The following WWOX variants were observed in gnomAD, a reference collection of about 807,000 sequenced individuals.
WWOX encodes WW domain-containing oxidoreductase.
WWOX carries 69 observed loss-of-function variants against 46.2 expected under a neutral mutation model. The ratio of observed to expected loss-of-function variants is 1.49; its 90% CI spans 1.23 to 1.82. WWOX has a LOEUF of 1.82. WWOX is among the 40% of genes most tolerant of loss of function. The probability of loss-of-function intolerance (pLI) is 0.00; values close to 1 mark genes in which losing one functional copy is unlikely to be tolerated. For synonymous variants in WWOX, 359 were observed against 202.6 expected (o/e 1.77, Z -6.56); for missense variants, 919 against 542.6 (o/e 1.69, Z -6.89).
At chr16:78,980,689 T>G (rs923132666) in intron 8 of WWOX, among the ~76,000 whole-genome samples, 1 of 152,176 alleles carries the variant, frequency 6.6e-6, no homozygotes, top group African/African-American at 2.4e-5. Context: ...AATCAGAACT[T>G]TGACCTTGAA....
At chr16:78,458,606 A>G (rs1422217555) in intron 8 of WWOX, among the ~76,000 whole-genome samples, 2 of 152,098 alleles carry the variant, frequency 1.3e-5, no homozygotes, top group African/African-American at 2.4e-5. Context: ...ATTTTCTTAT[A>G]TTTACAGCAT....
chr16:78,766,708 C>G (rs1260681524), intron 8 of WWOX, among the ~76,000 whole-genome samples: 1 of 152,220 alleles, frequency 6.6e-6, no homozygotes, highest in Non-Finnish European at 1.5e-5. Flanking sequence ...AGGGCCTGAA[C>G]AGGCTCAGAG....
At chr16:78,926,036 G>A (rs931607482) in intron 8 of WWOX, among the ~76,000 whole-genome samples, 1 of 152,200 alleles carries the variant, frequency 6.6e-6, no homozygotes, top group African/African-American at 2.4e-5. Flanking sequence ...GAACAATTCT[G>A]GAGACAGACA....
At chr16:78,944,131 G>A (rs1403040450) in intron 8 of WWOX, among the ~76,000 whole-genome samples, 1 of 152,152 alleles carries the variant, frequency 6.6e-6, no homozygotes, top group Non-Finnish European at 1.5e-5. Flanking sequence ...GGTATTGTCT[G>A]AGCCTATGAT....
intron 8 of WWOX, among the ~76,000 whole-genome samples, chr16:78,741,508 C>A (rs567493143): frequency 6.6e-6 from 1 of 151,182 alleles, no homozygotes; most frequent in South Asian, 2.1e-4. Flanking sequence ...TGAAGTGACC[C>A]AAGATCACCA....
intron 4 of WWOX, among the ~76,000 whole-genome samples, chr16:78,116,681 A>T (rs916006189): frequency 2.6e-5 from 4 of 152,214 alleles, no homozygotes; most frequent in African/African-American, 9.6e-5. Context: ...TTTGTTGATC[A>T]TATTAAGTAC....
At chr16:78,109,454 C>T (rs1344630751) in intron 2 of WWOX, among the ~76,000 whole-genome samples, 1 of 152,178 alleles carries the variant, frequency 6.6e-6, no homozygotes, top group East Asian at 1.9e-4. Flanking sequence ...CGTTGGGTGC[C>T]TGCCCTGCAT....
chr16:79,103,527 C>A (rs181650160), intron 8 of WWOX, among the ~76,000 whole-genome samples: 82 of 152,260 alleles, frequency 5.4e-4, no homozygotes, highest in African/African-American at 1.8e-3. Context: ...ACACCCGTTT[C>A]ATTATGGAAC....
intron 8 of WWOX, among the ~76,000 whole-genome samples, chr16:78,765,639 A>G (rs894146633): frequency 6.6e-6 from 1 of 152,120 alleles, no homozygotes; most frequent in Non-Finnish European, 1.5e-5. Context: ...AGATTGTGCC[A>G]CTGCACTGCA....
intron 8 of WWOX, among the ~76,000 whole-genome samples, chr16:78,966,107 C>G (rs1047285659): frequency 6.6e-6 from 1 of 152,168 alleles, no homozygotes; most frequent in East Asian, 1.9e-4. Flanking sequence ...GGCTTCTTAC[C>G]TATCAGCTAA....
intron 8 of WWOX, among the ~76,000 whole-genome samples, chr16:78,991,310 C>G (rs1268928097): frequency 6.6e-6 from 1 of 152,064 alleles, no homozygotes; most frequent in Non-Finnish European, 1.5e-5. Flanking sequence ...AATCCAGGTC[C>G]CAGCCAGGCA....
In WWOX at chr16:78,420,651, A is replaced by ATGGTTTTT. The variant is rs75985674; in HGVS notation, c.606-4218_606-4217insGGTTTTTT. ...GATAGAGGGTGGCTAGTGATTGCTA[A>ATGGTTTTT]TTTTTTTTTTTTTTTTTGAGTTAAA... On this transcript the variant is annotated intron_variant, in intron 6 of 8. Coordinates refer to ENST00000566780, the MANE Select transcript of WWOX (RefSeq NM_016373.4). Among the ~76,000 whole-genome samples, 832 of 139,110 alleles carry ATGGTTTTT rather than the reference A, an allele frequency of 6.0e-3. 19 individuals are homozygous for ATGGTTTTT. The highest frequency in any genetic ancestry group is 0.022 in the African/African-American group (770 of 35,138). The allele number at this position is 139,110 out of a possible 152,430, so 91.3% of individuals were successfully genotyped here.
rs542745170 is a variant in WWOX, at chr16:78,323,227, C to A, written c.517-63633C>A. ...GTTCACGCCATTCTCCTGCCTCAGCCTCCTGAGTAGGTGGGACTACAGGCC... is the reference window on the plus strand; with the variant it reads ...GTTCACGCCATTCTCCTGCCTCAGCATCCTGAGTAGGTGGGACTACAGGCC... On this transcript the variant is annotated intron_variant, in intron 5 of 8. Coordinates refer to ENST00000566780, the MANE Select transcript of WWOX (RefSeq NM_016373.4). Among the ~76,000 whole-genome samples the A allele has an allele frequency of 5.6e-3, 853 of 152,206 alleles. 3 individuals are homozygous for A. The highest frequency in any genetic ancestry group is 9.6e-3 in the Admixed American group (147 of 15,284).
At chr16:78,314,821 G>A (rs2080328944) in intron 5 of WWOX, among the ~76,000 whole-genome samples, 1 of 150,966 alleles carries the variant, frequency 6.6e-6, no homozygotes, top group Admixed American at 6.6e-5. Flanking sequence ...CAAAGTGCTG[G>A]GATTACAGGC....
chr16:78,354,938 A>G (rs746450543), intron 5 of WWOX, among the ~76,000 whole-genome samples: 3 of 152,086 alleles, frequency 2.0e-5, no homozygotes, highest in Non-Finnish European at 4.4e-5. Flanking sequence ...ATTCAAGACT[A>G]CTGGGCAACA....
chr16:78,908,280 C>T (rs1404192445), intron 8 of WWOX, among the ~76,000 whole-genome samples: 2 of 152,098 alleles, frequency 1.3e-5, no homozygotes, highest in South Asian at 4.1e-4. Flanking sequence ...TGGCTCATGC[C>T]TGTAATCCCA....
intron 8 of WWOX, among the ~76,000 whole-genome samples, chr16:78,702,176 A>G (rs969357475): frequency 3.4e-5 from 5 of 146,024 alleles, no homozygotes. Context: ...GCTACTCCGG[A>G]GGCCGAGGCA....
At position 79,211,932 on chromosome 16, in the gene WWOX, G is replaced by C; in HGVS notation, c.*136G>C. On this transcript the variant is annotated 3_prime_UTR_variant, in exon 9 of 9. Coordinates refer to ENST00000566780, the MANE Select transcript of WWOX (RefSeq NM_016373.4). ...AAAGGAAATAAGAGCAGTCACAACA[G>C]AGTGAAAAATCTTAAGTACCAATGG... 1.9e-6 allele frequency: 3 copies of C among 1,538,672 alleles called. No homozygotes were observed. Among genetic ancestry groups the C allele is most frequent in the Non-Finnish European group, 2.6e-6 (3 of 1,147,468 alleles).
intron 8 of WWOX, among the ~76,000 whole-genome samples, chr16:78,609,429 G>A (rs796457174): frequency 4.6e-5 from 7 of 150,944 alleles, no homozygotes; most frequent in Non-Finnish European, 4.4e-5. Flanking sequence ...CTTTTAAAGC[G>A]ATAGTCCTAT....
Sources: gnomAD v4.1 joint callset for allele counts (sites outside exome capture counted in the v4.1 genomes callset) on GRCh38, gnomAD v4.1.1 for gene constraint, MANE v1.5 for transcripts, NCBI Gene and HGNC (gene_info 2026-07-23, HGNC 2026-07-21) for gene names.